The following ATRNL1 variants were observed in gnomAD, a reference collection of about 807,000 sequenced individuals.
ATRNL1 encodes attractin-like protein 1.
In ATRNL1, 95 loss-of-function variants were observed where a neutral mutation model predicts 182.7. The observed-to-expected ratio is 0.52, with a 90% confidence interval of 0.44 to 0.62. The LOEUF (loss-of-function observed/expected upper bound fraction) is 0.62, where lower values mean the gene tolerates loss of function less well. Among genes scored for constraint, ATRNL1 ranks in the 20% least tolerant of loss-of-function variants. The probability of loss-of-function intolerance (pLI) is 0.00; values close to 1 mark genes in which losing one functional copy is unlikely to be tolerated. For missense variants in ATRNL1, 1,471 were observed against 1,679.5 expected, an observed-to-expected ratio of 0.88 and a Z score of 2.17; for synonymous variants, 576 against 568.3, an observed-to-expected ratio of 1.01 and a Z score of -0.19.
intron 26 of ATRNL1, among the ~76,000 whole-genome samples, chr10:115,621,993 T>G (rs1857797785): frequency 3.9e-5 from 6 of 152,104 alleles, no homozygotes; most frequent in African/African-American, 2.4e-5. Context: ...CACCAGACAC[T>G]AAAGGTGAGG....
intron 26 of ATRNL1, among the ~76,000 whole-genome samples, chr10:115,617,079 A>G (rs1178562592): frequency 2.0e-5 from 3 of 152,236 alleles, no homozygotes; most frequent in African/African-American, 7.2e-5. Context: ...ACAGAAGTCC[A>G]TGAGATCAAT....
chr10:115,671,455 C>T (rs1373464908), intron 26 of ATRNL1, among the ~76,000 whole-genome samples: 2 of 152,060 alleles, frequency 1.3e-5, no homozygotes, highest in African/African-American at 4.8e-5. Context: ...TTTTAACTAA[C>T]ATTTATTGCG....
intron 28 of ATRNL1, among the ~76,000 whole-genome samples, chr10:115,939,031 G>T (rs61170750): frequency 0.03 from 4,631 of 152,248 alleles, 205 homozygotes; most frequent in African/African-American, 0.1. Flanking sequence ...AAAAAAGATG[G>T]TAAGTTGGAG....
At chr10:115,142,902 CAG>C (rs1183465723) in intron 5 of ATRNL1, among the ~76,000 whole-genome samples, 1 of 152,052 alleles carries the variant, frequency 6.6e-6, no homozygotes, top group African/African-American at 2.4e-5. Context: ...AATGGAAAGA[CAG>C]AGTTGTCATC....
At chr10:115,220,919 C>T (rs542688804) in intron 9 of ATRNL1, among the ~76,000 whole-genome samples, 183 of 152,188 alleles carry the variant, frequency 1.2e-3, no homozygotes, top group Non-Finnish European at 2.1e-3. Context: ...TATGAGTCTG[C>T]AAGCAATTGA....
chr10:115,746,459 T>C (rs903944462), intron 27 of ATRNL1, among the ~76,000 whole-genome samples: 1 of 152,072 alleles, frequency 6.6e-6, no homozygotes. Flanking sequence ...TTAAGTGAGA[T>C]TGTTTTACTT....
At chr10:115,550,179 G>A (rs1232543146) in intron 26 of ATRNL1, among the ~76,000 whole-genome samples, 4 of 151,754 alleles carry the variant, frequency 2.6e-5, no homozygotes, top group Non-Finnish European at 5.9e-5. Context: ...CATCTGAGGA[G>A]CAAAAGTATG....
At chr10:115,527,525 G>A (rs1419823062) in intron 25 of ATRNL1, among the ~76,000 whole-genome samples, 3 of 152,008 alleles carry the variant, frequency 2.0e-5, no homozygotes, top group African/African-American at 4.8e-5. Flanking sequence ...TAATGTGTTT[G>A]TATTTATTTT....
intron 26 of ATRNL1, among the ~76,000 whole-genome samples, chr10:115,680,947 T>C (rs1235103913): frequency 3.9e-5 from 6 of 152,262 alleles, no homozygotes; most frequent in Non-Finnish European, 1.5e-5. Context: ...TGACCTGGTA[T>C]TGCACTTTTT....
chr10:115,342,056 GT>G (rs1466789914), intron 19 of ATRNL1, among the ~76,000 whole-genome samples: 1 of 151,840 alleles, frequency 6.6e-6, no homozygotes, highest in Non-Finnish European at 1.5e-5. Flanking sequence ...TTTATTATTT[GT>G]TTTCTGGTTG....
In ATRNL1 at chr10:115,945,839, C is replaced by G. The variant is rs1181281048; in HGVS notation, c.*1060C>G. 6.6e-6 allele frequency: 1 copy of G among 152,152 alleles called. No homozygotes were observed. The highest frequency in any genetic ancestry group is 2.4e-5 in the African/African-American group (1 of 41,426). 9.4% of individuals were successfully genotyped at this position (152,152 alleles called of 1,614,324 possible). A position where few individuals can be genotyped will look rare whatever the true frequency, so the allele number is the denominator to read the frequency against. ...GTAGAGAAGAGCACTGGCTGGCAAG[C>G]ATCAACAGGAGTCTTCTTCCCAACA... On this transcript the variant is annotated 3_prime_UTR_variant, in exon 29 of 29. Coordinates refer to ENST00000355044, the MANE Select transcript of ATRNL1 (RefSeq NM_207303.4).
intron 26 of ATRNL1, among the ~76,000 whole-genome samples, chr10:115,570,356 A>G (rs774871641): frequency 2.4e-4 from 37 of 152,108 alleles, no homozygotes; most frequent in Non-Finnish European, 4.7e-4. Flanking sequence ...TCCCAACACC[A>G]TCACCCTGGG....
At chr10:115,755,874 G>T (rs184246163) in intron 27 of ATRNL1, among the ~76,000 whole-genome samples, 2 of 151,984 alleles carry the variant, frequency 1.3e-5, no homozygotes, top group African/African-American at 4.8e-5. Flanking sequence ...TCAGGGATTC[G>T]ACTTCTTCCT....
intron 24 of ATRNL1, among the ~76,000 whole-genome samples, chr10:115,486,302 T>C (rs1484840619): frequency 6.6e-6 from 1 of 152,052 alleles, no homozygotes; most frequent in Non-Finnish European, 1.5e-5. Flanking sequence ...CTAGTTGCAG[T>C]TCCTTGAGGA....
intron 26 of ATRNL1, among the ~76,000 whole-genome samples, chr10:115,615,034 CTTTTCTATTGAAACATATTCCTGTCA>C (rs1403967057): frequency 2.0e-5 from 3 of 151,736 alleles, no homozygotes; most frequent in African/African-American, 7.3e-5. Context: ...AAGGTTTTTA[CTTTTCTATTGAAACATATTCCTGTCA>C]TTTTCTTAAT....
chr10:115,752,158 T>A (rs1261088063), intron 27 of ATRNL1, among the ~76,000 whole-genome samples: 1 of 152,084 alleles, frequency 6.6e-6, no homozygotes, highest in Non-Finnish European at 1.5e-5. Context: ...TCAAAACTGA[T>A]AGAGGATGGA....
intron 27 of ATRNL1, among the ~76,000 whole-genome samples, chr10:115,728,656 C>T (rs1331624052): frequency 6.6e-6 from 1 of 152,014 alleles, no homozygotes; most frequent in Non-Finnish European, 1.5e-5. Context: ...AAAATCACAA[C>T]TCATGGATGC....
intron 27 of ATRNL1, among the ~76,000 whole-genome samples, chr10:115,742,380 T>C (rs1229832031): frequency 6.6e-6 from 1 of 152,148 alleles, no homozygotes; most frequent in African/African-American, 2.4e-5. Context: ...TGGGTAAAGA[T>C]GAAAGTACAT....
intron 5 of ATRNL1, among the ~76,000 whole-genome samples, chr10:115,158,172 A>T (rs1450654791): frequency 6.6e-6 from 1 of 152,080 alleles, no homozygotes; most frequent in African/African-American, 2.4e-5. Flanking sequence ...AAATAAATCT[A>T]TATTTCCTTT....
Sources: allele counts gnomAD v4.1 joint callset (sites outside exome capture counted in the v4.1 genomes callset), GRCh38; gene constraint gnomAD v4.1.1; transcripts MANE v1.5; gene names NCBI Gene and HGNC (gene_info 2026-07-23, HGNC 2026-07-21).